APBB2: variants seen among roughly 807,000 people sequenced by gnomAD.
APBB2 encodes the protein amyloid beta precursor protein binding family B member 2, also known as Fe65-like 1.
A neutral mutation model predicts 82.5 loss-of-function variants in APBB2; 38 were observed. The observed-to-expected ratio is 0.46, with a 90% CI of 0.36 to 0.60. APBB2 has a LOEUF of 0.60. Ranked by LOEUF, APBB2 falls within the 20% of genes least tolerant of loss-of-function variation. The pLI is 0.00. For missense variants in APBB2, 772 were observed against 972.3 expected (o/e 0.79, Z 2.74); for synonymous variants, 341 against 368.2 (o/e 0.93, Z 0.85).
At chr4:40,867,433 A>G (rs1764300274) in intron 12 of APBB2, among the ~76,000 whole-genome samples, 1 of 152,154 alleles carries the variant, frequency 6.6e-6, no homozygotes, top group Non-Finnish European at 1.5e-5. Context: ...ATTATTATCA[A>G]CCCCCTTTTT....
rs117561621 is a variant in APBB2 at position 41,084,881 on chromosome 4, C to A, written c.-149+15758G>T. ...GGAGAAATTAAAGTAAGCCAAGAAG[C>A]CTGAACGAGATTCTCAGCTTCAGTA... On this transcript the variant is annotated intron_variant, in intron 3 of 17. Transcript: ENST00000508593. Among the ~76,000 whole-genome samples, 1,052 of 152,068 alleles carry A rather than the reference C, an allele frequency of 6.9e-3. 13 individuals carry two copies. The highest frequency in any genetic ancestry group is 0.034 in the East Asian group (177 of 5,176).
chr4:40,946,712 C>T (rs76292665), intron 6 of APBB2, among the ~76,000 whole-genome samples: 6,007 of 152,052 alleles, frequency 0.04, 367 homozygotes, highest in African/African-American at 0.13. Context: ...AACTTGAGCT[C>T]TAAACCCAGG....
chr4:40,961,643 AT>A (rs567613492), intron 6 of APBB2, among the ~76,000 whole-genome samples: 17 of 143,614 alleles, frequency 1.2e-4, no homozygotes, highest in Admixed American at 1.1e-3. Flanking sequence ...TTAAAGTATA[AT>A]AATGAAAGAA....
At chr4:41,113,643 G>C (rs1749974253) in intron 2 of APBB2, among the ~76,000 whole-genome samples, 1 of 152,136 alleles carries the variant, frequency 6.6e-6, no homozygotes, top group Admixed American at 6.5e-5. Context: ...CTAAAGGTCT[G>C]GGAAATGAAT....
At chr4:41,052,379 GCAC>G (rs1313171499) in intron 4 of APBB2, among the ~76,000 whole-genome samples, 4 of 152,120 alleles carry the variant, frequency 2.6e-5, no homozygotes, top group Admixed American at 6.5e-5. Context: ...CCCAAGCAGG[GCAC>G]CACACCAGTG....
At chr4:41,147,122 G>C (rs1042358820) in intron 1 of APBB2, among the ~76,000 whole-genome samples, 6 of 152,174 alleles carry the variant, frequency 3.9e-5, no homozygotes, top group African/African-American at 1.4e-4. Flanking sequence ...CAGGCAAACG[G>C]AATCAGGGTC....
intron 10 of APBB2, among the ~76,000 whole-genome samples, chr4:40,923,029 C>CA (rs1781683411): frequency 1.4e-5 from 2 of 147,258 alleles, no homozygotes; most frequent in African/African-American, 2.5e-5. Context: ...GGCCGGATTG[C>CA]AGTGGCACAA....
intron 10 of APBB2, among the ~76,000 whole-genome samples, chr4:40,907,348 C>T (rs9291284): frequency 0.13 from 12,173 of 96,376 alleles, 947 homozygotes; most frequent in Middle Eastern, 0.18. Context: ...TAATATATTA[C>T]ATATATATAT....
intron 4 of APBB2, among the ~76,000 whole-genome samples, chr4:41,065,227 G>T (rs1276287574): frequency 6.6e-6 from 1 of 152,166 alleles, no homozygotes; most frequent in African/African-American, 2.4e-5. Context: ...CGAAGCTACA[G>T]TGAGCTGTGT....
intron 4 of APBB2, among the ~76,000 whole-genome samples, chr4:41,041,297 TAC>T (rs1415561227): frequency 1.3e-5 from 2 of 152,192 alleles, no homozygotes; most frequent in Admixed American, 6.5e-5. Context: ...CTTAGTACAA[TAC>T]ACACAGTTTC....
At chr4:41,051,240 C>T (rs560703235) in intron 4 of APBB2, among the ~76,000 whole-genome samples, 1 of 152,324 alleles carries the variant, frequency 6.6e-6, no homozygotes, top group African/African-American at 2.4e-5. Context: ...TTCTAAGTGC[C>T]TCAGCCACAA....
intron 1 of APBB2, among the ~76,000 whole-genome samples, chr4:41,159,961 GAGAAGA>G (rs1161043741): frequency 0.038 from 1,218 of 31,932 alleles, 82 homozygotes; most frequent in Non-Finnish European, 0.044. Flanking sequence ...GAAGGAGAAG[GAGAAGA>G]AGAAGAAGAA....
intron 4 of APBB2, among the ~76,000 whole-genome samples, chr4:41,037,124 T>C (rs1301306795): frequency 6.6e-6 from 1 of 152,244 alleles, no homozygotes; most frequent in Non-Finnish European, 1.5e-5. Context: ...ATTTGACTCT[T>C]ATTGGAAAAC....
At chr4:41,020,687 T>C (rs1237714522) in intron 5 of APBB2, among the ~76,000 whole-genome samples, 1 of 152,240 alleles carries the variant, frequency 6.6e-6, no homozygotes. Context: ...AAGTAAAGTT[T>C]GCTAAAAGTT....
intron 10 of APBB2, among the ~76,000 whole-genome samples, chr4:40,925,429 C>A (rs1249523473): frequency 1.3e-5 from 2 of 152,292 alleles, no homozygotes; most frequent in South Asian, 2.1e-4. Context: ...TGCCCAAGGT[C>A]ATCCAGCTGG....
chr4:41,160,226 A>G (rs1764809134), intron 1 of APBB2, among the ~76,000 whole-genome samples: 1 of 152,130 alleles, frequency 6.6e-6, no homozygotes, highest in Non-Finnish European at 1.5e-5. Context: ...AGGGAAGACA[A>G]GGGCCTGGGA....
At chr4:41,129,283 A>G (rs1755295172) in intron 2 of APBB2, among the ~76,000 whole-genome samples, 1 of 151,848 alleles carries the variant, frequency 6.6e-6, no homozygotes, top group Admixed American at 6.6e-5. Context: ...TCCCCTCTCA[A>G]CTGGCCCCAC....
chr4:41,091,382 C>A (rs1691907743), intron 3 of APBB2, among the ~76,000 whole-genome samples: 2 of 152,114 alleles, frequency 1.3e-5, no homozygotes, highest in Admixed American at 1.3e-4. Flanking sequence ...GAAGTCACCC[C>A]CCGTTTATTT....
At chr4:41,105,711 C>T (rs985431555) in intron 2 of APBB2, among the ~76,000 whole-genome samples, 4 of 151,922 alleles carry the variant, frequency 2.6e-5, no homozygotes, top group African/African-American at 7.3e-5. Context: ...AGTGAAACCC[C>T]GTCTCTACTA....
Sources: allele counts gnomAD v4.1 joint callset (sites outside exome capture counted in the v4.1 genomes callset), GRCh38; gene constraint gnomAD v4.1.1; transcripts MANE v1.5; gene names NCBI Gene and HGNC (gene_info 2026-07-23, HGNC 2026-07-21).